The following CLEC18B variants were observed in gnomAD, a reference collection of about 807,000 sequenced individuals.
CLEC18B encodes C-type lectin domain family 18 member B.
In CLEC18B, 5 loss-of-function variants were observed where a neutral mutation model predicts 60.4. That is an observed-to-expected ratio of 0.08 (90% CI 0.04 to 0.17). The LOEUF is 0.17. Among genes scored for constraint, CLEC18B ranks in the 10% least tolerant of loss-of-function variants. The probability of loss-of-function intolerance (pLI) is 1.00; values close to 1 mark genes in which losing one functional copy is unlikely to be tolerated. For missense variants in CLEC18B, 26 were observed against 572.8 expected (o/e 0.05, Z 9.74); for synonymous variants, 16 against 221.2 (o/e 0.07, Z 8.23).
intron 2 of CLEC18B, among the ~76,000 whole-genome samples, chr16:74,419,167 C>T (rs1356620271): frequency 2.8e-4 from 43 of 152,270 alleles, no homozygotes; most frequent in Non-Finnish European, 5.7e-4. Context: ...CCTGATCTCC[C>T]GAGACTCCCT....
intron 10 of CLEC18B, 71 bp downstream of exon 10, chr16:74,410,465 G>A (rs1254675694): frequency 6.2e-7 from 1 of 1,612,032 alleles, no homozygotes; most frequent in African/African-American, 1.3e-5. Flanking sequence ...CCAGGCAGCG[G>A]GATGGGGGGG....
At chr16:74,420,746 TGA>T (rs1241752171) in intron 1 of CLEC18B, among the ~76,000 whole-genome samples, 154 bp from the exon 2 acceptor site, 6 of 45,134 alleles carry the variant, frequency 1.3e-4, no homozygotes, top group Non-Finnish European at 1.4e-4. Flanking sequence ...GGAGCGAGGC[TGA>T]GAGAGAGACC....
chr16:74,421,236 T>A lies in CLEC18B; in HGVS notation c.35A>T (p.His12Leu), dbSNP rs2013671458. 1 of 1,609,454 alleles carries A rather than the reference T, an allele frequency of 6.2e-7. No homozygotes were observed. The highest frequency in any genetic ancestry group is 1.4e-5 in the African/African-American group (1 of 74,034). ...GAGGGCCAGGAGCACAGCCAGGAGA[T>A]GCCCCCGGCCAGGGGAGGTCTCTGG... Reference protein sequence around the residue: ...LHPETSPGRGHLLAVLLALLG... With the variant: ...LHPETSPGRGLLLAVLLALLG... The change falls in exon 1 of 12, where the codon CAT becomes CTT. Residue 12 changes from histidine to leucine, a missense_variant. Physicochemically the swap from His to Leu is moderately conservative, Grantham distance 99 (BLOSUM62 -3). Transcript: ENST00000682950.
At chr16:74,419,158 C>G (rs903720563) in intron 2 of CLEC18B, among the ~76,000 whole-genome samples, 1 of 152,266 alleles carries the variant, frequency 6.6e-6, no homozygotes, top group Admixed American at 6.5e-5. Flanking sequence ...GTGCAGTCCC[C>G]TGATCTCCCG....
At chr16:74,423,598 A>C (rs900811060), upstream of CLEC18B, among the ~76,000 whole-genome samples, 3 of 152,308 alleles carry the variant, frequency 2.0e-5, no homozygotes, top group South Asian at 2.1e-4. Context: ...CTGAGGCAGG[A>C]GAATTGCTTG....
chr16:74,414,115 A>T, intron 3 of CLEC18B, among the ~76,000 whole-genome samples: 1 of 152,306 alleles, frequency 6.6e-6, no homozygotes. Flanking sequence ...CCTCAGGTGA[A>T]CTGCTTGCCT....
chr16:74,410,226 C>T (rs1448411032), intron 10 of CLEC18B, among the ~76,000 whole-genome samples: 2 of 152,304 alleles, frequency 1.3e-5, no homozygotes, highest in Non-Finnish European at 2.9e-5. Context: ...AGGCAGAGGG[C>T]ATGCAGAGGG....
intron 3 of CLEC18B, among the ~76,000 whole-genome samples, 173 bp from the exon 4 acceptor site, chr16:74,413,849 CTTATTTATTTATTTAT>C (rs3863433): frequency 1.5e-4 from 23 of 149,458 alleles, no homozygotes; most frequent in Admixed American, 3.3e-4. Context: ...TTCAGGAAGG[CTTATTTATTTATTTAT>C]TTATTTATTT....
chr16:74,421,526 C>T (rs1348141453), upstream of CLEC18B: 5 of 449,000 alleles, frequency 1.1e-5, no homozygotes, highest in East Asian at 5.4e-5. Context: ...CTGGCCAGCC[C>T]GCCCCCGACA....
At chr16:74,411,957 A>T in intron 7 of CLEC18B, 182 bp from the exon 8 acceptor site, 1 of 1,472,202 alleles carries the variant, frequency 6.8e-7, no homozygotes, top group African/African-American at 1.4e-5. Flanking sequence ...CAAAAGAAAA[A>T]AAAAATCCAT....
upstream of CLEC18B, chr16:74,421,621 C>T (rs1355703046): frequency 2.2e-5 from 11 of 503,924 alleles, no homozygotes; most frequent in African/African-American, 5.9e-5. Context: ...CCAGAGACCC[C>T]GCTGATTGGC....
chr16:74,419,092 GC>G (rs1317930259), intron 2 of CLEC18B, among the ~76,000 whole-genome samples: 2 of 152,374 alleles, frequency 1.3e-5, no homozygotes, highest in East Asian at 3.9e-4. Context: ...ACCGTGCCCA[GC>G]CCCCTCCCTC....
Position 74,416,299 on chromosome 16 carries a change from C to T in CLEC18B, c.456+1760G>A, listed in dbSNP as rs1218856487. On this transcript the variant is annotated intron_variant, in intron 3 of 11. Transcript: ENST00000682950. ...AAAAATTAAGGAGCCAGAAGATCTT[C>T]GGGAAGTGGGAACTGGTTTGCTGGT... Among the ~76,000 whole-genome samples the T allele has an allele frequency of 2.7e-5, 4 of 150,888 alleles. No individual in the cohort carries two copies. The East Asian group carries it at 6.0e-4, about 23-fold the overall frequency.
At chr16:74,422,660 GT>G, upstream of CLEC18B, among the ~76,000 whole-genome samples, 1 of 145,432 alleles carries the variant, frequency 6.9e-6, no homozygotes, top group Non-Finnish European at 1.5e-5. Context: ...ATAGCTACCT[GT>G]TTTTTGATGT....
chr16:74,419,643 C>A (rs2013587492), intron 2 of CLEC18B, among the ~76,000 whole-genome samples: 1 of 148,926 alleles, frequency 6.7e-6, no homozygotes, highest in Non-Finnish European at 1.5e-5. Context: ...CCCCTGGTTG[C>A]CCAGGGTCTG....
upstream of CLEC18B, chr16:74,422,374 C>A (rs2013718842): frequency 6.6e-6 from 1 of 152,130 alleles, no homozygotes; most frequent in Non-Finnish European, 1.5e-5. Context: ...TTTGTGTGAC[C>A]CCTGGCCCCT....
At chr16:74,412,620 A>G (rs1304878261) in intron 6 of CLEC18B, among the ~76,000 whole-genome samples, 153 bp downstream of exon 6, 1 of 152,308 alleles carries the variant, frequency 6.6e-6, no homozygotes, top group Non-Finnish European at 1.5e-5. Context: ...GCTAGTGCTC[A>G]GTGAATGCTT....
In CLEC18B at chr16:74,421,445, A is replaced by C. The variant is rs1482830698; in HGVS notation, c.-175T>G. 3.8e-5 allele frequency: 51 copies of C among 1,329,788 alleles called. No individual in the cohort carries two copies. The African/African-American group carries it at 6.5e-4, about 17-fold the overall frequency. The allele number at this position is 1,329,788 out of a possible 1,614,324, so 82.4% of individuals were successfully genotyped here. A position where few individuals can be genotyped will look rare whatever the true frequency, so the allele number is the denominator to read the frequency against. On this transcript the variant is annotated 5_prime_UTR_variant, in exon 1 of 12. Coordinates refer to ENST00000682950, the MANE Select transcript of CLEC18B (RefSeq NM_001385193.1). ...TGGTGAGTGAGTAATCAGTGTGTCC[A>C]GACAGCCTCCTGTTGGCGCTGGCAT...
rs2013668096 is a variant in CLEC18B at position 74,421,200 on chromosome 16, G to A, written c.71C>T (p.Thr24Ile). 6.2e-7 allele frequency: 1 copy of A among 1,609,736 alleles called. No homozygotes were observed. Among genetic ancestry groups the A allele is most frequent in the African/African-American group, 1.3e-5 (1 of 74,120 alleles). Residue 24 changes from threonine (T) to isoleucine (I), a missense_variant, in exon 1 of 12, where the codon ACC (threonine) becomes ATC (isoleucine). Transcript: ENST00000682950. ...LAVLLALLGT[T>I]WAEVWPPQLQ... ...CTGGGGTGGCCACACCTCTGCCCAGGTGGTGCCAAGGAGGGCCAGGAGCAC... is the reference window on the plus strand; with the variant it reads ...CTGGGGTGGCCACACCTCTGCCCAGATGGTGCCAAGGAGGGCCAGGAGCAC...
Sources: allele counts gnomAD v4.1 joint callset (sites outside exome capture counted in the v4.1 genomes callset), GRCh38; gene constraint gnomAD v4.1.1; transcripts MANE v1.5; gene names NCBI Gene and HGNC (gene_info 2026-07-23, HGNC 2026-07-21).